Variants in TTF2 observed in about 807,000 individuals in gnomAD.
The protein encoded by TTF2 is transcription termination factor 2, also known as RNA polymerase II termination factor.
A neutral mutation model predicts 142.4 loss-of-function variants in TTF2; 108 were observed. That is an observed-to-expected ratio of 0.76 (90% CI 0.65 to 0.89). The LOEUF (loss-of-function observed/expected upper bound fraction) is 0.89, where lower values mean the gene tolerates loss of function less well. TTF2 is among the 40% of genes least tolerant of loss of function. The pLI is 0.00. For missense variants in TTF2, 1,327 were observed against 1,379.8 expected, an observed-to-expected ratio of 0.96 and a Z score of 0.61; for synonymous variants, 483 against 506.2, an observed-to-expected ratio of 0.95 and a Z score of 0.61.
chr1:117,084,745 T>G (rs1647858762), intron 11 of TTF2, among the ~76,000 whole-genome samples: 1 of 152,166 alleles, frequency 6.6e-6, no homozygotes, highest in African/African-American at 2.4e-5. Flanking sequence ...GTCTTTTGGT[T>G]TTAAAGGAAT....
chr1:117,069,433 G>T (rs1001156079), intron 3 of TTF2, among the ~76,000 whole-genome samples: 2 of 152,224 alleles, frequency 1.3e-5, no homozygotes, highest in African/African-American at 2.4e-5. Flanking sequence ...AATTTTGATG[G>T]AGGAAAGGAC....
chr1:117,066,622 A>T (rs1656151882), intron 3 of TTF2, among the ~76,000 whole-genome samples: 1 of 151,450 alleles, frequency 6.6e-6, no homozygotes, highest in South Asian at 2.1e-4. Flanking sequence ...GTTAAGCAGG[A>T]CAAGGAAGAA....
chr1:117,072,075 C>G (rs539051821), intron 3 of TTF2, among the ~76,000 whole-genome samples: 1 of 152,236 alleles, frequency 6.6e-6, no homozygotes, highest in East Asian at 1.9e-4. Context: ...AGTACCCATG[C>G]AAAGTCTAGT....
chr1:117,062,868 A>G (rs1655800169), intron 3 of TTF2, among the ~76,000 whole-genome samples: 2 of 152,162 alleles, frequency 1.3e-5, no homozygotes, highest in South Asian at 4.1e-4. Context: ...TTATATGGGA[A>G]TTTGGGAAGG....
chr1:117,076,826 A>G lies in TTF2; in HGVS notation c.1573+3A>G. The G allele has an allele frequency of 6.2e-7, 1 of 1,610,482 alleles. No homozygotes were observed. ...AGGATCCAGTCAGTGCTATCGAGGT[A>G]AGACCCAAGGGCCTGACCCTGCTGT... On this transcript the variant is annotated splice_donor_region_variant and intron_variant, in intron 7 of 22. Coordinates refer to ENST00000369466, the MANE Select transcript of TTF2 (RefSeq NM_003594.4). This position sits in a 1 kb window ranked among gnomAD's most constrained non-coding sequence, Gnocchi z 4.6.
Position 117,075,300 on chromosome 1 carries a change from A to G in TTF2, c.716A>G (p.Lys239Arg). The change falls in exon 5 of 23, where the codon AAA becomes AGA. Residue 239 changes from lysine to arginine, a missense_variant. Physicochemically the swap from Lys to Arg is conservative, Grantham distance 26. Transcript: ENST00000369466. The surrounding 1 kb of genome is among the most constrained non-coding windows in gnomAD (Gnocchi z 4.5). Reference sequence around the variant, plus strand: ...AGACCATCTGCATCTTCTCAGGAGAAATCAAGTGGTAAGAGTCAAGATGTC... The same window carrying G: ...AGACCATCTGCATCTTCTCAGGAGAGATCAAGTGGTAAGAGTCAAGATGTC... ...LTRPSASSQEKSSGKSQDVQR... is the reference protein window; with the variant it reads ...LTRPSASSQERSSGKSQDVQR... 3 of 1,614,214 alleles carry G rather than the reference A, an allele frequency of 1.9e-6. No individual in the cohort carries two copies. The highest frequency in any genetic ancestry group is 1.7e-6 in the Non-Finnish European group (2 of 1,180,034).
intron 18 of TTF2, chr1:117,094,855 A>G (rs548622198): frequency 5.8e-6 from 2 of 345,486 alleles, no homozygotes; most frequent in East Asian, 8.8e-5. Flanking sequence ...GTGGGCACCT[A>G]ACCTGTACTT....
In TTF2 at chr1:117,086,322, A is replaced by G; in HGVS notation, c.2055-95A>G. 1 of 832,710 alleles carries G rather than the reference A, an allele frequency of 1.2e-6. No individual in the cohort carries two copies. Among genetic ancestry groups the G allele is most frequent in the Non-Finnish European group, 2.0e-6 (1 of 502,256 alleles). 51.6% of individuals were successfully genotyped at this position (832,710 alleles called of 1,614,324 possible). A position where few individuals can be genotyped will look rare whatever the true frequency, so the allele number is the denominator to read the frequency against. ...AATGAGTTCTGCTGTTTGTCCTTCC[A>G]TTTGTAGGCATTTTTATTGAAAGAT... On this transcript the variant is annotated intron_variant, in intron 11 of 22. Coordinates refer to ENST00000369466, the MANE Select transcript of TTF2 (RefSeq NM_003594.4). The surrounding 1 kb of genome is among the most constrained non-coding windows in gnomAD (Gnocchi z 4.2).
chr1:117,068,457 T>A (rs2101341030), intron 3 of TTF2, among the ~76,000 whole-genome samples: 1 of 151,032 alleles, frequency 6.6e-6, no homozygotes, highest in Non-Finnish European at 1.5e-5. Flanking sequence ...GACGAGTTAA[T>A]GGGCGCAACA....
At chr1:117,062,730 T>C (rs370377840) in intron 3 of TTF2, among the ~76,000 whole-genome samples, 7 of 152,226 alleles carry the variant, frequency 4.6e-5, no homozygotes, top group African/African-American at 1.4e-4. Context: ...TAGCCTATAA[T>C]GACAGCTGAC....
chr1:117,071,917 G>A (rs914546349), intron 3 of TTF2, among the ~76,000 whole-genome samples: 3 of 152,140 alleles, frequency 2.0e-5, no homozygotes, highest in Admixed American at 2.0e-4. Context: ...GCAGTTCATG[G>A]ATTAAACAGG....
chr1:117,083,974 A>T, intron 10 of TTF2, 44 bp from the exon 11 acceptor site: 1 of 1,609,190 alleles, frequency 6.2e-7, no homozygotes, highest in South Asian at 1.1e-5. Flanking sequence ...GTTAAAAGCC[A>T]TTTGGTGAAT....
rs138413577 is a variant in TTF2, at chr1:117,101,425, A to G, written c.3390A>G (p.Gln1130=). The change falls in exon 23 of 23, where the codon CAA becomes CAG. Residue 1130 remains glutamine (Q), a synonymous_variant. Transcript: ENST00000369466. This position sits in a 1 kb window ranked among gnomAD's most constrained non-coding sequence, Gnocchi z 5.9. ...GTVEEKILQL[Q]EKKKDLAKQV... is the part of the protein sequence containing the mutation. ...TAGAAGAAAAGATCTTACAGCTCCA[A>G]GAAAAAAAGAAAGATTTGGCCAAAC... The G allele has an allele frequency of 2.0e-5, 32 of 1,609,054 alleles. No homozygotes were observed. In the African/African-American group the frequency reaches 3.5e-4, roughly 18 times the overall value.
Position 117,090,010 on chromosome 1 carries a change from G to T in TTF2, c.2343-45G>T. Reference sequence around the variant, plus strand: ...TTTGAACCTTTATTCCATTCTCCCTGACTTTTCCTTCCCTACTCTGTGCCC... The same window carrying T: ...TTTGAACCTTTATTCCATTCTCCCTTACTTTTCCTTCCCTACTCTGTGCCC... On this transcript the variant is annotated intron_variant, in intron 13 of 22. Coordinates refer to ENST00000369466, the MANE Select transcript of TTF2 (RefSeq NM_003594.4). This position sits in a 1 kb window ranked among gnomAD's most constrained non-coding sequence, Gnocchi z 4.8. The T allele has an allele frequency of 6.3e-7, 1 of 1,581,698 alleles. No homozygotes were observed. Among genetic ancestry groups the T allele is most frequent in the South Asian group, 1.2e-5 (1 of 86,410 alleles).
Position 117,081,879 on chromosome 1 carries a change from C to A in TTF2, c.1835C>A (p.Thr612Asn), listed in dbSNP as rs1373405050. 1 of 1,614,018 alleles carries A rather than the reference C, an allele frequency of 6.2e-7. No homozygotes were observed. The highest frequency in any genetic ancestry group is 8.5e-7 in the Non-Finnish European group (1 of 1,180,034). Residue 612 changes from threonine (T) to asparagine (N), a missense_variant, in exon 10 of 23, where the codon ACC becomes AAC. Thr to Asn is a moderately conservative substitution (Grantham distance 65). Coordinates refer to ENST00000369466, the MANE Select transcript of TTF2 (RefSeq NM_003594.4). ...CTGACAATGATTGCGCTCATCCTGA[C>A]CCAGAAGAATCAAGAGAAAAAGGAA... ...KTLTMIALIL[T>N]QKNQEKKEEK...
rs747079505 is a variant in TTF2 at position 117,088,920 on chromosome 1, C to T, written c.2280C>T (p.Ala760=). ...CTGTGTGTAAGCTACAAGCCTGTGC[C>T]CGTTGGGCTGTCACTGGAACCCCCA... is the stretch of plus-strand genomic sequence containing the variant. ...SIAVCKLQAC[A]RWAVTGTPIQ... is the part of the protein sequence containing the mutation. Residue 760 remains alanine (A), a synonymous_variant, in exon 13 of 23, where the codon GCC becomes GCT. Coordinates refer to ENST00000369466, the MANE Select transcript of TTF2 (RefSeq NM_003594.4). 1.2e-5 allele frequency: 20 copies of T among 1,613,610 alleles called. No homozygotes were observed. In the South Asian group the frequency reaches 1.6e-4, roughly 13 times the overall value.
chr1:117,081,996 C>T (rs770403039), intron 10 of TTF2, 49 bp downstream of exon 10: 4 of 1,612,792 alleles, frequency 2.5e-6, no homozygotes, highest in Non-Finnish European at 3.4e-6. Context: ...TCATTTGAGC[C>T]ACCCAAGAGG....
intron 3 of TTF2, among the ~76,000 whole-genome samples, chr1:117,066,398 G>C (rs1656130661): frequency 6.6e-6 from 1 of 152,156 alleles, no homozygotes; most frequent in Admixed American, 6.6e-5. Context: ...CTTGCTGAAA[G>C]AGCACTGATG....
intron 10 of TTF2, 108 bp downstream of exon 10, chr1:117,082,055 C>A: frequency 6.6e-7 from 1 of 1,515,172 alleles, no homozygotes; most frequent in South Asian, 1.1e-5. Flanking sequence ...TTTAATTACT[C>A]TACTGGAAAA....
Sources: gnomAD v4.1 joint callset for allele counts (sites outside exome capture counted in the v4.1 genomes callset) on GRCh38, gnomAD v4.1.1 for gene constraint, Gnocchi (gnomAD v3.1) non-coding constraint, MANE v1.5 for transcripts, NCBI Gene and HGNC (gene_info 2026-07-23, HGNC 2026-07-21) for gene names.